The following DMD variants were observed in gnomAD, a reference collection of about 807,000 sequenced individuals.
The protein encoded by DMD is mutant dystrophin.
DMD carries 63 observed loss-of-function variants against 330.1 expected under a neutral mutation model. That is an observed-to-expected ratio of 0.19 (90% CI 0.16 to 0.24). DMD has a LOEUF of 0.24. Among genes scored for constraint, DMD ranks in the 10% least tolerant of loss-of-function variants. The pLI, the probability that DMD is intolerant of heterozygous loss-of-function variation, is 1.00. For missense variants in DMD, 3,344 were observed against 2,684.1 expected, an observed-to-expected ratio of 1.25 and a Z score of -5.43; for synonymous variants, 1,223 against 959.8, an observed-to-expected ratio of 1.27 and a Z score of -5.07.
At chrX:31,303,900 T>C (rs1214501293) in intron 62 of DMD, among the ~76,000 whole-genome samples, 3 of 112,250 alleles carry the variant, frequency 2.7e-5, no homozygotes, top group Non-Finnish European at 5.6e-5. Flanking sequence ...GGAGGTATCA[T>C]GCATGTTGCT....
chrX:32,707,455 G>A (rs1049365043), intron 7 of DMD, among the ~76,000 whole-genome samples: 1 of 111,531 alleles, frequency 9.0e-6, no homozygotes, highest in Non-Finnish European at 1.9e-5. Context: ...AAGCTGGTGG[G>A]GAAAAGTCAG....
At chrX:31,196,149 TAAGAC>T (rs1381694375) in intron 67 of DMD, among the ~76,000 whole-genome samples, 1 of 111,665 alleles carries the variant, frequency 9.0e-6, no homozygotes, top group Non-Finnish European at 1.9e-5. Context: ...ATATTAAACT[TAAGAC>T]AATACTGATA....
At chrX:32,376,665 G>A (rs2097904136) in intron 34 of DMD, among the ~76,000 whole-genome samples, 1 of 111,048 alleles carries the variant, frequency 9.0e-6, no homozygotes, top group East Asian at 2.8e-4. Context: ...ATCATCTGGG[G>A]CCTGCCCACA....
chrX:32,230,296 G>C (rs1369913187), intron 43 of DMD, among the ~76,000 whole-genome samples: 1 of 112,321 alleles, frequency 8.9e-6, no homozygotes, highest in East Asian at 2.8e-4. Flanking sequence ...CCAGGCTGGA[G>C]TGCAGCGGCG....
intron 55 of DMD, among the ~76,000 whole-genome samples, chrX:31,567,775 A>G (rs1365823190): frequency 9.0e-6 from 1 of 110,859 alleles, no homozygotes; most frequent in African/African-American, 3.3e-5. Flanking sequence ...ACTCACAGCA[A>G]AGCAGTAGTC....
At chrX:32,227,669 T>C (rs1209299865) in intron 43 of DMD, among the ~76,000 whole-genome samples, 3 of 110,125 alleles carry the variant, frequency 2.7e-5, no homozygotes, top group African/African-American at 6.6e-5. Flanking sequence ...CTGCAATATA[T>C]CCATGTAACA....
intron 16 of DMD, among the ~76,000 whole-genome samples, chrX:32,554,840 G>GGTAAGA (rs2050014943): frequency 1.2e-4 from 2 of 16,952 alleles, no homozygotes; most frequent in Non-Finnish European, 2.8e-4. Flanking sequence ...GGGAGAGAGA[G>GGTAAGA]AGAGAGAGAG....
chrX:31,951,183 A>G (rs1603617753), intron 45 of DMD, among the ~76,000 whole-genome samples: 1 of 97,157 alleles, frequency 1.0e-5, no homozygotes, highest in African/African-American at 3.8e-5. Context: ...ATGTATATAT[A>G]TATATCTTAA....
chrX:33,236,346 C>G (rs1423861511), intron 1 of DMD, among the ~76,000 whole-genome samples: 1 of 106,816 alleles, frequency 9.4e-6, no homozygotes, highest in African/African-American at 3.4e-5. Context: ...CTCACTGCAA[C>G]CTCAGCCTTC....
intron 2 of DMD, among the ~76,000 whole-genome samples, chrX:32,990,722 C>A (rs1436049317): frequency 9.0e-6 from 1 of 111,564 alleles, no homozygotes; most frequent in African/African-American, 3.3e-5. Context: ...ACACCCCTCT[C>A]ACCTGGAGAG....
At chrX:32,631,765 G>A (rs2058746904) in intron 11 of DMD, among the ~76,000 whole-genome samples, 1 of 111,274 alleles carries the variant, frequency 9.0e-6, no homozygotes, top group South Asian at 3.8e-4. Flanking sequence ...AGCACTAAGA[G>A]GATAGTGCTA....
rs1299171484 is a variant in DMD at position 33,036,202 on chromosome X, T to C, written c.32-16002A>G. 2.7e-5 allele frequency among the ~76,000 whole-genome samples: 3 copies of C among 111,694 alleles called. No individual in the cohort carries two copies. In the East Asian group the frequency reaches 8.4e-4, roughly 31 times the overall value. ...TACAATGCCAAGGTCAATTAATTTA[T>C]AAATTAAATTTATGTTTATTAGCCA... On this transcript the variant is annotated intron_variant, in intron 1 of 78. Transcript: ENST00000357033.
chrX:32,654,381 G>A (rs2060403116), intron 9 of DMD, among the ~76,000 whole-genome samples: 1 of 111,529 alleles, frequency 9.0e-6, no homozygotes, highest in Admixed American at 9.5e-5. Flanking sequence ...TTTTGTCAAA[G>A]GCCTTTTCTG....
At chrX:32,400,113 T>C (rs186723721) in intron 30 of DMD, among the ~76,000 whole-genome samples, 2,128 of 111,728 alleles carry the variant, frequency 0.019, 32 homozygotes, top group Non-Finnish European at 0.029. Context: ...ATAGCTCTTA[T>C]TATTTTGAAA....
chrX:31,592,927 G>A (rs757428855), intron 55 of DMD, among the ~76,000 whole-genome samples: 1 of 111,233 alleles, frequency 9.0e-6, no homozygotes, highest in African/African-American at 3.2e-5. Flanking sequence ...GATCAAAGAA[G>A]TGTGTACATG....
chrX:31,418,701 G>A (rs549687691), intron 60 of DMD, among the ~76,000 whole-genome samples: 7 of 111,920 alleles, frequency 6.3e-5, no homozygotes, highest in Non-Finnish European at 1.3e-4. Flanking sequence ...CTTTATTTAC[G>A]AAAGGATGAG....
intron 1 of DMD, among the ~76,000 whole-genome samples, chrX:33,230,843 T>C (rs1490073318): frequency 9.0e-6 from 1 of 110,917 alleles, no homozygotes; most frequent in Non-Finnish European, 1.9e-5. Flanking sequence ...ACAAATCAGT[T>C]TAAGAGGTAG....
At chrX:33,164,670 G>A (rs2048965405) in intron 1 of DMD, among the ~76,000 whole-genome samples, 1 of 111,262 alleles carries the variant, frequency 9.0e-6, no homozygotes, top group South Asian at 3.8e-4. Flanking sequence ...GAAAATAAGT[G>A]GTCTGATAAA....
chrX:32,898,514 G>T (rs5971670), intron 2 of DMD, among the ~76,000 whole-genome samples: 51 of 112,388 alleles, frequency 4.5e-4, no homozygotes, highest in African/African-American at 1.6e-3. Flanking sequence ...TGCCTCCAAA[G>T]TTGGCAGGGT....
Sources: allele counts gnomAD v4.1 joint callset (sites outside exome capture counted in the v4.1 genomes callset), GRCh38; gene constraint gnomAD v4.1.1; transcripts MANE v1.5; gene names NCBI Gene and HGNC (gene_info 2026-07-23, HGNC 2026-07-21).